The following THSD7B variants were observed in gnomAD, a reference collection of about 807,000 sequenced individuals.
THSD7B encodes thrombospondin type 1 domain containing 7B.
A neutral mutation model predicts 213.6 loss-of-function variants in THSD7B; 138 were observed. That is an observed-to-expected ratio of 0.65 (90% CI 0.56 to 0.74). The LOEUF is 0.74. Among genes scored for constraint, THSD7B ranks in the 30% least tolerant of loss-of-function variants. THSD7B has a pLI of 0.00. For missense variants in THSD7B, 1,931 were observed against 1,991.5 expected (o/e 0.97, Z 0.58); for synonymous variants, 742 against 687.0 (o/e 1.08, Z -1.25).
intron 12 of THSD7B, among the ~76,000 whole-genome samples, chr2:137,311,989 C>A (rs900175288): frequency 2.7e-5 from 4 of 146,862 alleles, no homozygotes; most frequent in Admixed American, 6.8e-5. Context: ...TGTCTCTGCC[C>A]GGCTTTGGTA....
intron 20 of THSD7B, among the ~76,000 whole-genome samples, chr2:137,626,327 C>G (rs1299228824): frequency 6.6e-6 from 1 of 151,886 alleles, no homozygotes; most frequent in Non-Finnish European, 1.5e-5. Context: ...AGCCAGGTGC[C>G]GTGGCGGGCG....
chr2:136,978,580 C>T (rs1281669581), intron 2 of THSD7B, among the ~76,000 whole-genome samples: 2 of 151,950 alleles, frequency 1.3e-5, no homozygotes, highest in East Asian at 1.9e-4. Flanking sequence ...TTGTTAAAGT[C>T]CGGTTTTTCA....
intron 27 of THSD7B, among the ~76,000 whole-genome samples, chr2:137,670,093 G>A (rs1322753896): frequency 6.6e-6 from 1 of 152,092 alleles, no homozygotes; most frequent in Non-Finnish European, 1.5e-5. Context: ...TTACTTTTCA[G>A]TAGCCAAATT....
intron 20 of THSD7B, among the ~76,000 whole-genome samples, chr2:137,629,810 GATA>G (rs1211465864): frequency 6.6e-6 from 1 of 152,122 alleles, no homozygotes; most frequent in African/African-American, 2.4e-5. Context: ...GGTCTAGTAG[GATA>G]ATATTTGGGG....
In THSD7B at chr2:137,393,160, AT is replaced by A. The variant is rs577043200; in HGVS notation, c.2501-12441del. Among the ~76,000 whole-genome samples the A allele has an allele frequency of 5.9e-3, 830 of 141,460 alleles. 9 individuals are homozygous for A. Among genetic ancestry groups the A allele is most frequent in the African/African-American group, 0.016 (610 of 38,402 alleles). The allele number at this position is 141,460 out of a possible 152,430, so 92.8% of individuals were successfully genotyped here. A position where few individuals can be genotyped will look rare whatever the true frequency, so the allele number is the denominator to read the frequency against. On this transcript the variant is annotated intron_variant, in intron 12 of 27. Transcript: ENST00000409968. ...TTTTCTTCCAGCTTTTTTTTTTTTA[AT>A]TTTTTTTTTTTATTATACTTTAAGT...
chr2:137,376,951 G>C (rs1685670209), intron 12 of THSD7B, among the ~76,000 whole-genome samples: 1 of 152,134 alleles, frequency 6.6e-6, no homozygotes, highest in South Asian at 2.1e-4. Context: ...GATGTAGAAA[G>C]AAGGAAGGAA....
chr2:137,542,011 G>A (rs910179902), intron 15 of THSD7B, among the ~76,000 whole-genome samples: 4 of 151,518 alleles, frequency 2.6e-5, no homozygotes, highest in African/African-American at 9.7e-5. Flanking sequence ...CGGAAAAAAA[G>A]AGGAGAGATG....
chr2:137,550,305 T>C (rs936154138), intron 15 of THSD7B, among the ~76,000 whole-genome samples: 1 of 152,138 alleles, frequency 6.6e-6, no homozygotes, highest in Non-Finnish European at 1.5e-5. Flanking sequence ...CCTGGTAGAA[T>C]ATCATGCGCT....
intron 5 of THSD7B, among the ~76,000 whole-genome samples, chr2:137,150,863 A>G (rs774671359): frequency 2.6e-5 from 4 of 152,210 alleles, no homozygotes; most frequent in Non-Finnish European, 5.9e-5. Context: ...ACTGTGCTGA[A>G]TAATGTAGGC....
At chr2:137,503,286 G>C (rs2105139904) in intron 15 of THSD7B, among the ~76,000 whole-genome samples, 1 of 152,186 alleles carries the variant, frequency 6.6e-6, no homozygotes, top group East Asian at 1.9e-4. Flanking sequence ...TCATAACACA[G>C]AATATTTCTC....
intron 16 of THSD7B, among the ~76,000 whole-genome samples, chr2:137,570,147 A>G (rs1681324528): frequency 6.6e-6 from 1 of 151,986 alleles, no homozygotes; most frequent in Non-Finnish European, 1.5e-5. Context: ...AGAAGGCATT[A>G]TTACAACTTT....
chr2:137,075,735 T>C (rs1269757047), intron 3 of THSD7B, among the ~76,000 whole-genome samples: 1 of 152,206 alleles, frequency 6.6e-6, no homozygotes, highest in African/African-American at 2.4e-5. Context: ...CTTTGGTCTT[T>C]GATGATGGTG....
intron 15 of THSD7B, among the ~76,000 whole-genome samples, chr2:137,458,326 T>G (rs1687811979): frequency 6.6e-6 from 1 of 152,178 alleles, no homozygotes; most frequent in South Asian, 2.1e-4. Context: ...AAAAACTATT[T>G]TTATGAACTC....
chr2:136,995,440 A>G (rs1184972101), intron 2 of THSD7B, among the ~76,000 whole-genome samples: 5 of 152,160 alleles, frequency 3.3e-5, no homozygotes, highest in East Asian at 1.9e-4. Context: ...CTTCCTGACT[A>G]TATTTCTATT....
chr2:137,630,105 C>T (rs1682713292), intron 20 of THSD7B, among the ~76,000 whole-genome samples: 1 of 152,014 alleles, frequency 6.6e-6, no homozygotes, highest in African/African-American at 2.4e-5. Flanking sequence ...GCAGTCCTCC[C>T]TCTTCAGCCT....
chr2:137,460,983 G>T (rs141460153), intron 15 of THSD7B, among the ~76,000 whole-genome samples: 1 of 151,942 alleles, frequency 6.6e-6, no homozygotes, highest in South Asian at 2.1e-4. Flanking sequence ...ACTCTTTCAC[G>T]TCTACCTTTT....
chr2:137,676,543 C>A lies in THSD7B; in HGVS notation c.4759C>A (p.Gln1587Lys). 1 of 1,597,600 alleles carries A rather than the reference C, an allele frequency of 6.3e-7. No homozygotes were observed. Among genetic ancestry groups the A allele is most frequent in the Non-Finnish European group, 8.5e-7 (1 of 1,172,460 alleles). Residue 1587 changes from glutamine to lysine, a missense_variant, in exon 28 of 28, where the codon CAA becomes AAA. Physicochemically the swap from Gln to Lys is moderately conservative, Grantham distance 53 (BLOSUM62 1). Coordinates refer to ENST00000409968, the MANE Select transcript of THSD7B (RefSeq NM_001316349.2). ...TTGCAGCAAGAAGCCAAAACCACAT[C>A]AAAGCACACCTCCCCAACAGAAGCC... is the stretch of plus-strand genomic sequence containing the variant. Reference protein sequence around the residue: ...YLVCKKPKPHQSTPPQQKPLT... With the variant: ...YLVCKKPKPHKSTPPQQKPLT...
chr2:136,843,088 A>ATTTT (rs58411751), intron 1 of THSD7B, among the ~76,000 whole-genome samples: 1 of 128,512 alleles, frequency 7.8e-6, no homozygotes, highest in Non-Finnish European at 1.7e-5. Flanking sequence ...GAGTGGTTTC[A>ATTTT]TTTTTTTTTT....
At chr2:137,392,124 T>C (rs1323025029) in intron 12 of THSD7B, among the ~76,000 whole-genome samples, 3 of 152,212 alleles carry the variant, frequency 2.0e-5, no homozygotes, top group African/African-American at 7.2e-5. Context: ...TGATATGATT[T>C]CGATTTCTAA....
Sources: gnomAD v4.1 joint callset for allele counts (sites outside exome capture counted in the v4.1 genomes callset) on GRCh38, gnomAD v4.1.1 for gene constraint, MANE v1.5 for transcripts, NCBI Gene and HGNC (gene_info 2026-07-23, HGNC 2026-07-21) for gene names.